The following CTNNA3 variants were observed in gnomAD, a reference collection of about 807,000 sequenced individuals.
CTNNA3 encodes the protein catenin alpha-3.
A neutral mutation model predicts 95.7 loss-of-function variants in CTNNA3; 76 were observed. The observed-to-expected ratio is 0.79, with a 90% CI of 0.66 to 0.96. The LOEUF is 0.96. CTNNA3 is among the 40% of genes least tolerant of loss of function. The probability of loss-of-function intolerance (pLI) is 0.00; values close to 1 mark genes in which losing one functional copy is unlikely to be tolerated. For synonymous variants in CTNNA3, 431 were observed against 374.4 expected (o/e 1.15, Z -1.74); for missense variants, 1,191 against 1,089.8 (o/e 1.09, Z -1.31).
intron 15 of CTNNA3, among the ~76,000 whole-genome samples, chr10:66,007,787 C>T (rs1329735166): frequency 6.0e-5 from 8 of 133,210 alleles, no homozygotes; most frequent in Non-Finnish European, 1.3e-4. Flanking sequence ...CCTTTCCTCC[C>T]TTCCTCCCTT....
intron 5 of CTNNA3, among the ~76,000 whole-genome samples, chr10:67,363,135 A>AAAT (rs1441160352): frequency 2.0e-5 from 3 of 152,106 alleles, no homozygotes; most frequent in Non-Finnish European, 4.4e-5. Flanking sequence ...ATAAAAATAA[A>AAAT]AATAATTCCC....
chr10:67,733,103 TA>T (rs1841285157), intron 1 of CTNNA3, among the ~76,000 whole-genome samples: 1 of 152,238 alleles, frequency 6.6e-6, no homozygotes, highest in South Asian at 2.1e-4. Context: ...CTATGTCAAA[TA>T]AGTACATGGT....
At chr10:67,349,872 C>T (rs1011785032) in intron 5 of CTNNA3, among the ~76,000 whole-genome samples, 3 of 152,094 alleles carry the variant, frequency 2.0e-5, no homozygotes, top group Non-Finnish European at 2.9e-5. Context: ...GTTCAACACT[C>T]ATACTCAGAC....
intron 5 of CTNNA3, chr10:67,335,021 T>C (rs1841939839): frequency 6.6e-6 from 1 of 151,942 alleles, no homozygotes; most frequent in Non-Finnish European, 1.5e-5. Flanking sequence ...TCCTCAATAG[T>C]ATACACACAC....
rs569762023 is a variant in CTNNA3 at position 66,746,362 on chromosome 10, A to C, written c.1281+19902T>G. ...CCTAGGTACAAATTCTAGCTCTACT[A>C]TCTTCTAACAGTGTGATGTCAAAAA... On this transcript the variant is annotated intron_variant, in intron 9 of 17. Transcript: ENST00000433211. Among the ~76,000 whole-genome samples, 3 of 152,316 alleles carry C rather than the reference A, an allele frequency of 2.0e-5. No homozygotes were observed. The East Asian group carries it at 5.8e-4, about 29-fold the overall frequency.
chr10:67,046,266 C>T (rs1303808317), intron 7 of CTNNA3, among the ~76,000 whole-genome samples: 2 of 152,140 alleles, frequency 1.3e-5, no homozygotes, highest in African/African-American at 2.4e-5. Flanking sequence ...CCTTAATTTA[C>T]CTTATGTTTA....
intron 11 of CTNNA3, among the ~76,000 whole-genome samples, chr10:66,384,625 CA>C (rs2092873298): frequency 6.6e-6 from 1 of 152,168 alleles, no homozygotes; most frequent in Non-Finnish European, 1.5e-5. Context: ...CATCCCAAAT[CA>C]ACAGAATATA....
intron 1 of CTNNA3, among the ~76,000 whole-genome samples, chr10:67,739,227 G>C (rs1401898802): frequency 6.6e-6 from 1 of 152,178 alleles, no homozygotes; most frequent in Admixed American, 6.6e-5. Context: ...AAGCCCATCA[G>C]ACTAACAGCA....
chr10:67,246,121 A>G (rs1865897254), intron 5 of CTNNA3, among the ~76,000 whole-genome samples: 1 of 152,218 alleles, frequency 6.6e-6, no homozygotes, highest in African/African-American at 2.4e-5. Context: ...TGCCAATTAG[A>G]TGGCAAGTTG....
At chr10:66,569,035 T>A (rs143613578) in intron 10 of CTNNA3, among the ~76,000 whole-genome samples, 1 of 152,120 alleles carries the variant, frequency 6.6e-6, no homozygotes, top group African/African-American at 2.4e-5. Flanking sequence ...TGCCCTCTGA[T>A]AAACTGTGGC....
intron 10 of CTNNA3, among the ~76,000 whole-genome samples, chr10:66,572,347 C>T (rs972500898): frequency 4.6e-5 from 7 of 150,966 alleles, no homozygotes; most frequent in African/African-American, 1.7e-4. Flanking sequence ...CGCACCACTG[C>T]ACTCCAGCCT....
chr10:66,297,058 A>T (rs894491353), intron 12 of CTNNA3, among the ~76,000 whole-genome samples: 6 of 152,170 alleles, frequency 3.9e-5, no homozygotes, highest in Non-Finnish European at 7.4e-5. Flanking sequence ...ATGTTACATC[A>T]TTTTACTGAA....
chr10:66,463,886 A>G (rs372127687), intron 11 of CTNNA3, among the ~76,000 whole-genome samples: 1 of 143,752 alleles, frequency 7.0e-6, no homozygotes, highest in African/African-American at 2.5e-5. Context: ...TCACTTTCCA[A>G]TTTTTTTTTT....
At chr10:67,024,757 T>G (rs1199869084) in intron 7 of CTNNA3, among the ~76,000 whole-genome samples, 1 of 152,212 alleles carries the variant, frequency 6.6e-6, no homozygotes, top group Non-Finnish European at 1.5e-5. Flanking sequence ...TAAACATTCT[T>G]TGGCATGTCA....
intron 7 of CTNNA3, among the ~76,000 whole-genome samples, chr10:66,887,342 C>A (rs1219152489): frequency 6.6e-6 from 1 of 152,130 alleles, no homozygotes; most frequent in Non-Finnish European, 1.5e-5. Flanking sequence ...TGCCCTCTTT[C>A]TTTGAGTATG....
intron 1 of CTNNA3, among the ~76,000 whole-genome samples, chr10:67,726,415 A>ATAT (rs1228225638): frequency 1.7e-5 from 1 of 58,972 alleles, no homozygotes; most frequent in African/African-American, 1.2e-4. Flanking sequence ...TATCATATAT[A>ATAT]ATATTATATA....
chr10:67,431,883 A>G (rs1044177886), intron 5 of CTNNA3, among the ~76,000 whole-genome samples: 3 of 152,004 alleles, frequency 2.0e-5, no homozygotes, highest in African/African-American at 7.2e-5. Context: ...ATGGAATATC[A>G]TTCCCCAAAA....
At chr10:66,718,295 T>A (rs1462786446) in intron 9 of CTNNA3, among the ~76,000 whole-genome samples, 1 of 152,074 alleles carries the variant, frequency 6.6e-6, no homozygotes, top group African/African-American at 2.4e-5. Flanking sequence ...GCCTAATGAG[T>A]TCCCCCGGCA....
chr10:66,539,286 C>A (rs1017802855), intron 10 of CTNNA3, among the ~76,000 whole-genome samples: 4 of 152,014 alleles, frequency 2.6e-5, no homozygotes, highest in African/African-American at 9.7e-5. Context: ...AGCAGGAAGG[C>A]AAATGGCTAC....
Sources: gnomAD v4.1 joint callset for allele counts (sites outside exome capture counted in the v4.1 genomes callset) on GRCh38, gnomAD v4.1.1 for gene constraint, MANE v1.5 for transcripts, NCBI Gene and HGNC (gene_info 2026-07-23, HGNC 2026-07-21) for gene names.